RIC1: variants seen among roughly 807,000 people sequenced by gnomAD.
RIC1 encodes guanine nucleotide exchange factor subunit RIC1.
Under a neutral mutation model 169.0 loss-of-function variants are expected in RIC1, and 88 were observed. The observed-to-expected ratio is 0.52, with a 90% CI of 0.44 to 0.62. RIC1 has a LOEUF of 0.62. Among genes scored for constraint, RIC1 ranks in the 20% least tolerant of loss-of-function variants. RIC1 has a pLI of 0.00. For missense variants in RIC1, 1,877 were observed against 1,725.5 expected (o/e 1.09, Z -1.56); for synonymous variants, 790 against 601.5 (o/e 1.31, Z -4.59).
chr9:5,687,629 A>G (rs1821329727), intron 2 of RIC1, among the ~76,000 whole-genome samples: 1 of 151,902 alleles, frequency 6.6e-6, no homozygotes, highest in Admixed American at 6.6e-5. Flanking sequence ...GCTTTCCAGA[A>G]TTTTTTTTAT....
intron 1 of RIC1, among the ~76,000 whole-genome samples, chr9:5,654,967 A>G (rs1819001280): frequency 6.6e-6 from 1 of 152,206 alleles, no homozygotes; most frequent in South Asian, 2.1e-4. Flanking sequence ...TACTTATTCT[A>G]GGAGGATTTT....
intron 8 of RIC1, among the ~76,000 whole-genome samples, chr9:5,739,840 C>G (rs796408337): frequency 1.4e-5 from 2 of 146,538 alleles, no homozygotes; most frequent in African/African-American, 4.9e-5. Flanking sequence ...CACACATCCC[C>G]TTTCCAAGTT....
chr9:5,673,664 T>G (rs1820262284), intron 2 of RIC1, among the ~76,000 whole-genome samples: 1 of 150,368 alleles, frequency 6.7e-6, no homozygotes, highest in Non-Finnish European at 1.5e-5. Context: ...ACACAAATAC[T>G]AAAAATAGTA....
intron 6 of RIC1, 143 bp downstream of exon 6, chr9:5,720,893 T>TGTTGATAAAATTGATCAATTGAG (rs2130866147): frequency 1.4e-6 from 1 of 701,038 alleles, no homozygotes; most frequent in East Asian, 3.0e-5. Context: ...ATAAATAGTA[T>TGTTGATAAAATTGATCAATTGAG]AAGTAGACAA....
At chr9:5,641,683 C>T (rs774368056) in intron 1 of RIC1, among the ~76,000 whole-genome samples, 1 of 115,324 alleles carries the variant, frequency 8.7e-6, no homozygotes, top group Non-Finnish European at 1.7e-5. Context: ...CTTTCTTCTG[C>T]TTGATCAATT....
Position 5,742,041 on chromosome 9 carries a change from G to T in RIC1, c.902-828G>T, listed in dbSNP as rs537203711. 3.9e-5 allele frequency among the ~76,000 whole-genome samples: 6 copies of T among 152,190 alleles called. No homozygotes were observed. In the South Asian group the frequency reaches 1.0e-3, roughly 26 times the overall value. ...TGCACAAATTACAAATCAGAGTGAG[G>T]GTTTGTGGCTTCAGATTATCAAGGG... is the stretch of plus-strand genomic sequence containing the variant. On this transcript the variant is annotated intron_variant, in intron 8 of 25. Coordinates refer to ENST00000414202, the MANE Select transcript of RIC1 (RefSeq NM_020829.4).
intron 6 of RIC1, among the ~76,000 whole-genome samples, chr9:5,729,617 A>G (rs1262925460): frequency 6.6e-6 from 1 of 152,170 alleles, no homozygotes; most frequent in Non-Finnish European, 1.5e-5. Context: ...GGAGTCCAAG[A>G]AGCTAAATAT....
chr9:5,673,559 A>ATATATATATATATATATAT (rs1554663256), intron 2 of RIC1, among the ~76,000 whole-genome samples: 43 of 92,668 alleles, frequency 4.6e-4, no homozygotes, highest in African/African-American at 2.2e-3. Flanking sequence ...TATATATATA[A>ATATATATATATATATATAT]ATAAATGTTG....
chr9:5,756,257 C>T lies in RIC1; in HGVS notation c.1738C>T (p.His580Tyr), dbSNP rs544522535. ...ATCAAATCTGGACAATGCCTTTGCT[C>T]ATGTCACCAAAGCACAAGCAGAAAC... is the stretch of plus-strand genomic sequence containing the variant. ...RTSNLDNAFAHVTKAQAETLL... is the reference protein window; with the variant it reads ...RTSNLDNAFAYVTKAQAETLL... The change falls in exon 16 of 26, where the codon CAT (histidine) becomes TAT (tyrosine). Residue 580 changes from histidine (H) to tyrosine (Y), a missense_variant. Physicochemically the swap from His to Tyr is moderately conservative, Grantham distance 83. Transcript: ENST00000414202. 46 of 1,602,750 alleles carry T rather than the reference C, an allele frequency of 2.9e-5. No homozygotes were observed. In the Admixed American group the frequency reaches 7.7e-4, roughly 27 times the overall value.
At chr9:5,724,878 G>C (rs937291947) in intron 6 of RIC1, among the ~76,000 whole-genome samples, 1 of 152,126 alleles carries the variant, frequency 6.6e-6, no homozygotes, top group African/African-American at 2.4e-5. Context: ...TTCGTATCTT[G>C]AACCAGCCTT....
rs375103764 is a variant in RIC1, at chr9:5,753,688, A to G, written c.1602+42A>G. On this transcript the variant is annotated intron_variant, in intron 14 of 25. Transcript: ENST00000414202. ...ATTAAAAACCTATTTCTCAAAGTAT[A>G]AGAGAACTACAATATGAAATAGCTA... The G allele has an allele frequency of 1.9e-3, 1,945 of 1,013,632 alleles. 7 individuals carry two copies. Among genetic ancestry groups the G allele is most frequent in the Non-Finnish European group, 2.8e-3 (1,847 of 660,134 alleles). The allele number at this position is 1,013,632 out of a possible 1,614,324, so 62.8% of individuals were successfully genotyped here.
intron 4 of RIC1, among the ~76,000 whole-genome samples, chr9:5,714,330 G>T (rs925041970): frequency 1.3e-5 from 2 of 152,138 alleles, no homozygotes; most frequent in Non-Finnish European, 1.5e-5. Context: ...GAGGAAAAGA[G>T]AAAGTGCCTT....
At chr9:5,678,370 G>C (rs1386419064) in intron 2 of RIC1, among the ~76,000 whole-genome samples, 1 of 150,534 alleles carries the variant, frequency 6.6e-6, no homozygotes, top group Admixed American at 6.6e-5. Flanking sequence ...CCCAGTAATG[G>C]GATGGCTGGG....
chr9:5,632,422 G>A (rs1426585277), intron 1 of RIC1, among the ~76,000 whole-genome samples: 1 of 152,018 alleles, frequency 6.6e-6, no homozygotes, highest in Non-Finnish European at 1.5e-5. Context: ...TTCTAAGTAG[G>A]TATTCGGAAT....
chr9:5,727,411 C>T (rs189542244), intron 6 of RIC1, among the ~76,000 whole-genome samples: 176 of 152,290 alleles, frequency 1.2e-3, no homozygotes, highest in Middle Eastern at 3.4e-3. Context: ...GTCCTTGCTA[C>T]GCTGTTTATT....
At chr9:5,673,288 A>T (rs987394308) in intron 2 of RIC1, among the ~76,000 whole-genome samples, 12 of 152,016 alleles carry the variant, frequency 7.9e-5, no homozygotes, top group Admixed American at 7.2e-4. Context: ...GAGCCAATAA[A>T]AATGAAAAGA....
intron 4 of RIC1, among the ~76,000 whole-genome samples, chr9:5,718,847 T>C (rs1318228735): frequency 6.6e-6 from 1 of 152,202 alleles, no homozygotes; most frequent in African/African-American, 2.4e-5. Context: ...CTGATCTTTT[T>C]CAGTATTTTT....
Position 5,738,520 on chromosome 9 carries a change from A to T in RIC1, c.883A>T (p.Thr295Ser). The T allele has an allele frequency of 6.3e-7, 1 of 1,590,638 alleles. No homozygotes were observed. Among genetic ancestry groups the T allele is most frequent in the South Asian group, 1.1e-5 (1 of 87,460 alleles). Residue 295 changes from threonine (T) to serine (S), a missense_variant, in exon 8 of 26, where the codon ACA becomes TCA. By Grantham distance (58) the Thr-to-Ser change is moderately conservative (BLOSUM62 1). Transcript: ENST00000414202. ...GCTGCTATCTCATAAATTAGAGCTAACAGCAAAACAGTATCCTGGTGAGTC... is the reference window on the plus strand; with the variant it reads ...GCTGCTATCTCATAAATTAGAGCTATCAGCAAAACAGTATCCTGGTGAGTC... ...AMLLSHKLEL[T>S]AKQYPDIWNK...
intron 2 of RIC1, among the ~76,000 whole-genome samples, chr9:5,658,584 T>C (rs548851745): frequency 1.1e-4 from 17 of 152,224 alleles, no homozygotes; most frequent in African/African-American, 3.8e-4. Flanking sequence ...GAGAAAATAC[T>C]AATTCAGTAC....
Sources: gnomAD v4.1 joint callset for allele counts (sites outside exome capture counted in the v4.1 genomes callset) on GRCh38, gnomAD v4.1.1 for gene constraint, MANE v1.5 for transcripts, NCBI Gene and HGNC (gene_info 2026-07-23, HGNC 2026-07-21) for gene names.